Variants in PIK3CA observed in about 807,000 individuals in gnomAD.
PIK3CA encodes phosphatidylinositol-4,5-bisphosphate 3-kinase catalytic subunit alpha.
In PIK3CA, 27 loss-of-function variants were observed where a neutral mutation model predicts 138.2. The observed-to-expected ratio is 0.20, with a 90% CI of 0.14 to 0.27. PIK3CA has a LOEUF of 0.27. Ranked by LOEUF, PIK3CA falls within the 10% of genes least tolerant of loss-of-function variation. The pLI is 1.00. For missense variants in PIK3CA, 544 were observed against 1,277.4 expected, an observed-to-expected ratio of 0.43 and a Z score of 8.75; for synonymous variants, 358 against 413.2, an observed-to-expected ratio of 0.87 and a Z score of 1.62.
chr3:179,198,649 G>A (rs1309286982), intron 1 of PIK3CA, 101 bp from the exon 2 acceptor site: 2 of 445,202 alleles, frequency 4.5e-6, no homozygotes, highest in East Asian at 3.4e-5. Context: ...GCCTAATCAA[G>A]TCAAACTATG....
intron 7 of PIK3CA, 26 bp from the exon 8 acceptor site, chr3:179,210,160 G>A (rs2108400039): frequency 6.5e-7 from 1 of 1,527,554 alleles, no homozygotes; most frequent in South Asian, 1.3e-5. Flanking sequence ...ATTTAGACTA[G>A]TGAATATTTT....
At chr3:179,155,491 GAAAA>G (rs773743921) in intron 1 of PIK3CA, among the ~76,000 whole-genome samples, 3 of 151,042 alleles carry the variant, frequency 2.0e-5, no homozygotes, top group Non-Finnish European at 4.4e-5. Context: ...AAAATATTAG[GAAAA>G]AAAAGGATAG....
intron 1 of PIK3CA, among the ~76,000 whole-genome samples, chr3:179,170,392 G>C (rs190438176): frequency 2.5e-4 from 38 of 152,206 alleles, no homozygotes; most frequent in African/African-American, 8.9e-4. Flanking sequence ...GTGAATTCTA[G>C]TGGGGGACAT....
intron 9 of PIK3CA, among the ~76,000 whole-genome samples, chr3:179,213,522 G>A (rs943876106): frequency 3.9e-5 from 6 of 152,232 alleles, no homozygotes; most frequent in African/African-American, 9.6e-5. Context: ...CTGAAGTAAC[G>A]TTAGCGTGGC....
In PIK3CA at chr3:179,239,839, T is replaced by C. The variant is rs558733636; in HGVS notation, c.*5475T>C. 43 of 497,588 alleles carry C rather than the reference T, an allele frequency of 8.6e-5. No homozygotes were observed. The South Asian group carries it at 1.7e-3, about 19-fold the overall frequency. The allele number at this position is 497,588 out of a possible 1,614,324, so 30.8% of individuals were successfully genotyped here. On this transcript the variant is annotated 3_prime_UTR_variant, in exon 21 of 21. Coordinates refer to ENST00000263967, the MANE Select transcript of PIK3CA (RefSeq NM_006218.4). ...TACTGCATTCATTAGAAGAAAAACG[T>C]TTTTAATGTCCTTTTAATGATGGCC... is the stretch of plus-strand genomic sequence containing the variant.
At chr3:179,212,660 C>T (rs896491369) in intron 9 of PIK3CA, among the ~76,000 whole-genome samples, 1 of 151,516 alleles carries the variant, frequency 6.6e-6, no homozygotes, top group African/African-American at 2.4e-5. Context: ...GGGCTGGTCT[C>T]GAACTCCTGA....
chr3:179,166,319 A>T (rs1426267342), intron 1 of PIK3CA, among the ~76,000 whole-genome samples: 1 of 152,150 alleles, frequency 6.6e-6, no homozygotes, highest in East Asian at 1.9e-4. Context: ...TAACTGTAAA[A>T]TTACCCCTTC....
At chr3:179,174,266 C>T (rs577265133) in intron 1 of PIK3CA, among the ~76,000 whole-genome samples, 7 of 151,846 alleles carry the variant, frequency 4.6e-5, no homozygotes, top group Admixed American at 3.3e-4. Flanking sequence ...GTCAGGAGTT[C>T]GAGACCAGCC....
At chr3:179,193,018 T>C (rs935881837) in intron 1 of PIK3CA, among the ~76,000 whole-genome samples, 1 of 152,208 alleles carries the variant, frequency 6.6e-6, no homozygotes, top group Admixed American at 6.5e-5. Flanking sequence ...CTGATACTGT[T>C]TTTTACTCTT....
intron 17 of PIK3CA, among the ~76,000 whole-genome samples, chr3:179,227,988 G>A (rs1471900350): frequency 6.7e-6 from 1 of 149,424 alleles, no homozygotes; most frequent in East Asian, 1.9e-4. Context: ...TATGGAACAC[G>A]ATTTTTACTT....
intron 7 of PIK3CA, 105 bp from the exon 8 acceptor site, chr3:179,210,081 C>T: frequency 1.2e-6 from 1 of 805,560 alleles, no homozygotes; most frequent in South Asian, 2.0e-5. Context: ...TTAGATATTC[C>T]CATTATTATA....
chr3:179,203,162 G>T (rs1044950575), intron 4 of PIK3CA, among the ~76,000 whole-genome samples: 1 of 151,556 alleles, frequency 6.6e-6, no homozygotes, highest in African/African-American at 2.4e-5. Flanking sequence ...GGATGGTCTC[G>T]ATCTCCTGAC....
rs190105029 is a variant in PIK3CA at position 179,209,073 on chromosome 3, C to T, written c.1146-522C>T. 2.5e-3 allele frequency among the ~76,000 whole-genome samples: 368 copies of T among 148,810 alleles called. 3 individuals carry two copies. The highest frequency in any genetic ancestry group is 8.3e-3 in the African/African-American group (338 of 40,822). ...TAAATATAAATAAGTTTTTTAGTGA[C>T]GTATGTAGCACACATGCATAAAAGT... is the stretch of plus-strand genomic sequence containing the variant. On this transcript the variant is annotated intron_variant, in intron 6 of 20. Transcript: ENST00000263967.
At chr3:179,231,229 A>C (rs189855905) in intron 20 of PIK3CA, among the ~76,000 whole-genome samples, 2 of 152,172 alleles carry the variant, frequency 1.3e-5, no homozygotes, top group South Asian at 4.1e-4. Context: ...CGTTGGTTTC[A>C]TATCTTTGCA....
chr3:179,215,783 A>G (rs1724823239), intron 9 of PIK3CA, among the ~76,000 whole-genome samples: 1 of 152,196 alleles, frequency 6.6e-6, no homozygotes, highest in Non-Finnish European at 1.5e-5. Context: ...CAGAATGATG[A>G]CAGATGAAAA....
At chr3:179,191,433 T>G (rs1360527009) in intron 1 of PIK3CA, among the ~76,000 whole-genome samples, 1 of 152,310 alleles carries the variant, frequency 6.6e-6, no homozygotes, top group East Asian at 1.9e-4. Flanking sequence ...TTTAAACAGC[T>G]TCTATACTTG....
chr3:179,148,707 G>A (rs1362830539), intron 1 of PIK3CA, 104 bp downstream of exon 1: 1 of 152,254 alleles, frequency 6.6e-6, no homozygotes, highest in African/African-American at 2.4e-5. Flanking sequence ...GGAGGCTACG[G>A]GCTGGTCGTC....
chr3:179,178,000 G>T (rs1723741829), intron 1 of PIK3CA, among the ~76,000 whole-genome samples: 1 of 150,930 alleles, frequency 6.6e-6, no homozygotes, highest in South Asian at 2.1e-4. Context: ...AGTGCTCTGG[G>T]AGGCCAAGGT....
intron 1 of PIK3CA, among the ~76,000 whole-genome samples, chr3:179,188,538 T>C (rs906557761): frequency 9.9e-5 from 15 of 152,216 alleles, no homozygotes; most frequent in African/African-American, 3.6e-4. Flanking sequence ...GTCTTCTTGA[T>C]GTGAAAATGC....
Sources: gnomAD v4.1 joint callset for allele counts (sites outside exome capture counted in the v4.1 genomes callset) on GRCh38, gnomAD v4.1.1 for gene constraint, MANE v1.5 for transcripts, NCBI Gene and HGNC (gene_info 2026-07-23, HGNC 2026-07-21) for gene names.